ESCO1: variants seen among roughly 807,000 people sequenced by gnomAD.
ESCO1 encodes the protein N-acetyltransferase ESCO1.
ESCO1 carries 33 observed loss-of-function variants against 83.5 expected under a neutral mutation model. That is an observed-to-expected ratio of 0.40 (90% CI 0.30 to 0.53). ESCO1 has a LOEUF of 0.53. Among genes scored for constraint, ESCO1 ranks in the 20% least tolerant of loss-of-function variants. The probability of loss-of-function intolerance (pLI) is 0.63; values close to 1 mark genes in which losing one functional copy is unlikely to be tolerated. For missense variants in ESCO1, 855 were observed against 968.0 expected, an observed-to-expected ratio of 0.88 and a Z score of 1.55; for synonymous variants, 332 against 324.3, an observed-to-expected ratio of 1.02 and a Z score of -0.25.
chr18:21,553,691 C>T (rs967997817), intron 8 of ESCO1, among the ~76,000 whole-genome samples: 14 of 151,690 alleles, frequency 9.2e-5, no homozygotes, highest in Admixed American at 5.9e-4. Context: ...AACCCTGTCT[C>T]TACTAAAAAT....
chr18:21,600,648 G>C lies in ESCO1; in HGVS notation c.-850C>G, dbSNP rs1433495698. On this transcript the variant is annotated 5_prime_UTR_variant, in exon 1 of 12. Transcript: ENST00000269214. ...CTTCCTTTTGCCTGGCGGAGGGTCAGACTAGCGCCAGCGGATCGCCTCACA... is the reference window on the plus strand; with the variant it reads ...CTTCCTTTTGCCTGGCGGAGGGTCACACTAGCGCCAGCGGATCGCCTCACA... 6.6e-6 allele frequency: 1 copy of C among 152,268 alleles called. No individual in the cohort carries two copies. 9.4% of individuals were successfully genotyped at this position (152,268 alleles called of 1,614,324 possible).
At chr18:21,544,537 G>A (rs1166256887) in intron 8 of ESCO1, among the ~76,000 whole-genome samples, 2 of 151,802 alleles carry the variant, frequency 1.3e-5, no homozygotes, top group Non-Finnish European at 2.9e-5. Flanking sequence ...GCTGAGGCAG[G>A]AGAATCACTT....
chr18:21,591,776 G>A (rs1399034621), intron 1 of ESCO1, among the ~76,000 whole-genome samples: 2 of 151,846 alleles, frequency 1.3e-5, no homozygotes, highest in Non-Finnish European at 2.9e-5. Context: ...ATAAACAAGT[G>A]AACAAAGGTC....
chr18:21,568,636 C>T (rs764498830), intron 4 of ESCO1, among the ~76,000 whole-genome samples: 31 of 152,188 alleles, frequency 2.0e-4, no homozygotes, highest in Non-Finnish European at 3.2e-4. Flanking sequence ...GGCACAGTGG[C>T]TAATGCCTGT....
At chr18:21,572,819 C>T (rs952609158) in intron 4 of ESCO1, among the ~76,000 whole-genome samples, 7 of 151,912 alleles carry the variant, frequency 4.6e-5, no homozygotes, top group Admixed American at 2.6e-4. Context: ...ACAAAATCAG[C>T]CAGGCATGGT....
intron 8 of ESCO1, among the ~76,000 whole-genome samples, chr18:21,541,989 T>C (rs2037913713): frequency 6.6e-6 from 1 of 152,210 alleles, no homozygotes; most frequent in South Asian, 2.1e-4. Context: ...GTGCAAAACT[T>C]TCTCTTGAAA....
At chr18:21,566,642 C>A (rs944879070) in intron 5 of ESCO1, among the ~76,000 whole-genome samples, 2 of 152,154 alleles carry the variant, frequency 1.3e-5, no homozygotes, top group Non-Finnish European at 2.9e-5. Flanking sequence ...AGGCGGATCA[C>A]CTGAGGTCAG....
intron 2 of ESCO1, among the ~76,000 whole-genome samples, chr18:21,580,045 A>G (rs915497619): frequency 1.3e-5 from 2 of 151,340 alleles, no homozygotes; most frequent in Non-Finnish European, 2.9e-5. Context: ...ACAGGCACGC[A>G]CCACCACACC....
rs191838164 is a variant in ESCO1, at chr18:21,533,128, G to A, written c.2188-468C>T. ...ACAAGAACTGAGACTAGGGATAGCA[G>A]AGAAATCAATAATTTAAAAAGCCAT... On this transcript the variant is annotated intron_variant, in intron 10 of 11. Coordinates refer to ENST00000269214, the MANE Select transcript of ESCO1 (RefSeq NM_052911.3). Among the ~76,000 whole-genome samples, 100 of 151,750 alleles carry A rather than the reference G, an allele frequency of 6.6e-4. No individual in the cohort carries two copies. In the Middle Eastern group the frequency reaches 0.014, roughly 21 times the overall value.
Position 21,573,800 on chromosome 18 carries a change from T to C in ESCO1, c.1044A>G (p.Arg348=). The change falls in exon 4 of 12, where the codon AGA becomes AGG. Residue 348 remains arginine (R), a synonymous_variant. Coordinates refer to ENST00000269214, the MANE Select transcript of ESCO1 (RefSeq NM_052911.3). ...TTGTTTCCTTCTGATGAAGTATTTG[T>C]CTTTCAACACTGGTCTCTTCCAATT... ...EIKLEETSVE[R]QILHQKETNQ... 2 of 1,614,174 alleles carry C rather than the reference T, an allele frequency of 1.2e-6. No homozygotes were observed. The highest frequency in any genetic ancestry group is 1.7e-6 in the Non-Finnish European group (2 of 1,180,032).
chr18:21,563,666 T>G (rs1168601090), intron 7 of ESCO1, among the ~76,000 whole-genome samples: 3 of 152,204 alleles, frequency 2.0e-5, no homozygotes, highest in African/African-American at 7.2e-5. Context: ...TTTTTCATAC[T>G]AAAATTTATT....
rs2038256273 is a variant in ESCO1, at chr18:21,566,123, C to A, written c.1706+23G>T. 4 of 1,603,874 alleles carry A rather than the reference C, an allele frequency of 2.5e-6. No homozygotes were observed. In the African/African-American group the frequency reaches 4.0e-5, roughly 16 times the overall value. On this transcript the variant is annotated intron_variant, in intron 6 of 11. Coordinates refer to ENST00000269214, the MANE Select transcript of ESCO1 (RefSeq NM_052911.3). ...ACTTGTAAGTTAAAATCCTTAAGCTCTAAAATTTAATTAATAGCTTACCTG... is the reference window on the plus strand; with the variant it reads ...ACTTGTAAGTTAAAATCCTTAAGCTATAAAATTTAATTAATAGCTTACCTG...
chr18:21,532,842 T>C (rs896500124), intron 10 of ESCO1, among the ~76,000 whole-genome samples, 182 bp from the exon 11 acceptor site: 1 of 152,222 alleles, frequency 6.6e-6, no homozygotes, highest in African/African-American at 2.4e-5. Flanking sequence ...GTTCACTTAC[T>C]AGTTGTATGA....
chr18:21,554,276 CA>C (rs1253491952), intron 8 of ESCO1, among the ~76,000 whole-genome samples: 1 of 152,216 alleles, frequency 6.6e-6, no homozygotes, highest in African/African-American at 2.4e-5. Flanking sequence ...TACGATCCAG[CA>C]ATCAAGCGTC....
At chr18:21,537,829 T>C (rs1159406346) in intron 9 of ESCO1, among the ~76,000 whole-genome samples, 1 of 152,182 alleles carries the variant, frequency 6.6e-6, no homozygotes, top group Non-Finnish European at 1.5e-5. Flanking sequence ...TAGCTGGAAT[T>C]CCAAAAATTC....
At position 21,540,638 on chromosome 18, in the gene ESCO1, C is replaced by CA. The variant is rs751738093; in HGVS notation, c.1954-630dup. On this transcript the variant is annotated intron_variant, in intron 8 of 11. Coordinates refer to ENST00000269214, the MANE Select transcript of ESCO1 (RefSeq NM_052911.3). ...GTGTGTATCTGAAGTTAAACATACT[C>CA]AAAAAAAGAGAGGTAATAAACTCTT... The CA allele has an allele frequency of 3.7e-6, 5 of 1,340,140 alleles. No individual in the cohort carries two copies. The Admixed American group carries it at 6.0e-5, about 16-fold the overall frequency. 83.0% of individuals were successfully genotyped at this position (1,340,140 alleles called of 1,614,324 possible).
At chr18:21,594,044 G>C (rs892505818) in intron 1 of ESCO1, among the ~76,000 whole-genome samples, 1 of 152,268 alleles carries the variant, frequency 6.6e-6, no homozygotes, top group African/African-American at 2.4e-5. Flanking sequence ...TGTTTAGCAA[G>C]AGCAGCAGCA....
intron 1 of ESCO1, among the ~76,000 whole-genome samples, chr18:21,591,705 T>C (rs1047243286): frequency 1.3e-5 from 2 of 150,930 alleles, no homozygotes; most frequent in East Asian, 3.9e-4. Flanking sequence ...CATTCTTGGG[T>C]GTTTCTCACA....
chr18:21,582,282 T>C (rs2038513655), intron 2 of ESCO1, among the ~76,000 whole-genome samples: 1 of 150,630 alleles, frequency 6.6e-6, no homozygotes, highest in African/African-American at 2.4e-5. Flanking sequence ...CAAGCTGGAG[T>C]GCAATGGTGC....
Sources: gnomAD v4.1 joint callset for allele counts (sites outside exome capture counted in the v4.1 genomes callset) on GRCh38, gnomAD v4.1.1 for gene constraint, MANE v1.5 for transcripts, NCBI Gene and HGNC (gene_info 2026-07-23, HGNC 2026-07-21) for gene names.